CDCP1: variants seen among roughly 807,000 people sequenced by gnomAD.
The protein encoded by CDCP1 is CUB domain containing protein 1, also known as CUB domain-containing protein 1.
CDCP1 carries 29 observed loss-of-function variants against 60.2 expected under a neutral mutation model. The ratio of observed to expected loss-of-function variants is 0.48; its 90% CI spans 0.36 to 0.66. The LOEUF is 0.66. Among genes scored for constraint, CDCP1 ranks in the 30% least tolerant of loss-of-function variants. CDCP1 has a pLI of 0.00. For synonymous variants in CDCP1, 387 were observed against 431.1 expected (o/e 0.90, Z 1.27); for missense variants, 876 against 1,074.3 (o/e 0.82, Z 2.58).
chr3:45,135,655 TATTGGTA>T (rs1367799357), intron 1 of CDCP1, among the ~76,000 whole-genome samples: 1 of 152,162 alleles, frequency 6.6e-6, no homozygotes, highest in Non-Finnish European at 1.5e-5. Flanking sequence ...ATTGTGGGGT[TATTGGTA>T]ATTAATAACA....
intron 1 of CDCP1, among the ~76,000 whole-genome samples, chr3:45,126,172 T>TTCTTTCTTTCTG: frequency 7.3e-6 from 1 of 136,658 alleles, no homozygotes; most frequent in African/African-American, 2.9e-5. Flanking sequence ...CTTTCTTTCT[T>TTCTTTCTTTCTG]TCCTTCTTTC....
chr3:45,091,579 AGTCAACATGGAGAG>A lies in CDCP1; in HGVS notation c.1628-55_1628-42del. ...GGAGATCCAGACAGATGTTTCATTCAGTCAACATGGAGAGGAAAGGGAGTGGTGGAGGAGACGAA... is the reference window on the plus strand; with the variant it reads ...GGAGATCCAGACAGATGTTTCATTCAGAAAGGGAGTGGTGGAGGAGACGAA... On this transcript the variant is annotated intron_variant, in intron 6 of 8. Coordinates refer to ENST00000296129, the MANE Select transcript of CDCP1 (RefSeq NM_022842.5). The surrounding 1 kb of genome is among the most constrained non-coding windows in gnomAD (Gnocchi z 4.8). 1 of 1,547,982 alleles carries A rather than the reference AGTCAACATGGAGAG, an allele frequency of 6.5e-7. No individual in the cohort carries two copies. Among genetic ancestry groups the A allele is most frequent in the Non-Finnish European group, 8.7e-7 (1 of 1,149,884 alleles).
chr3:45,119,231 T>C (rs1454629612), intron 1 of CDCP1, among the ~76,000 whole-genome samples: 1 of 152,014 alleles, frequency 6.6e-6, no homozygotes, highest in African/African-American at 2.4e-5. Flanking sequence ...CAGATTGGGG[T>C]TTAGAAAAAA....
intron 1 of CDCP1, among the ~76,000 whole-genome samples, chr3:45,128,410 T>C (rs931910767): frequency 6.6e-6 from 1 of 152,204 alleles, no homozygotes; most frequent in Non-Finnish European, 1.5e-5. Context: ...GGGCTCCAAC[T>C]TCCAGAATTA....
At chr3:45,103,050 A>T (rs1246630595) in intron 4 of CDCP1, among the ~76,000 whole-genome samples, 2 of 151,826 alleles carry the variant, frequency 1.3e-5, no homozygotes, top group Non-Finnish European at 2.9e-5. Context: ...CAATTTTGTT[A>T]TATCCATTGT....
chr3:45,120,643 T>C (rs1480098786), intron 1 of CDCP1, among the ~76,000 whole-genome samples: 1 of 152,174 alleles, frequency 6.6e-6, no homozygotes, highest in Non-Finnish European at 1.5e-5. Context: ...CAAGAGTGCT[T>C]AGATTTCCAT....
chr3:45,130,806 T>A (rs1349349459), intron 1 of CDCP1, among the ~76,000 whole-genome samples: 2 of 152,208 alleles, frequency 1.3e-5, no homozygotes, highest in African/African-American at 4.8e-5. Flanking sequence ...GCAGAGACAG[T>A]CTAGCATTAG....
intron 4 of CDCP1, among the ~76,000 whole-genome samples, chr3:45,109,275 T>C (rs2125996490): frequency 6.6e-6 from 1 of 152,006 alleles, no homozygotes; most frequent in East Asian, 1.9e-4. Context: ...ATACACACAT[T>C]ATACATACAT....
rs1698144458 is a variant in CDCP1, at chr3:45,083,963, G to A, written c.*1675C>T. ...AAAAAAAAGAAAAAGGGTAATGTGA[G>A]CACACATTGGTCTCATGGTCTACTC... is the stretch of plus-strand genomic sequence containing the variant. On this transcript the variant is annotated 3_prime_UTR_variant, in exon 9 of 9. Transcript: ENST00000296129. The A allele has an allele frequency of 6.6e-6, 1 of 151,818 alleles. No homozygotes were observed. The highest frequency in any genetic ancestry group is 1.5e-5 in the Non-Finnish European group (1 of 67,958). 9.4% of individuals were successfully genotyped at this position (151,818 alleles called of 1,614,324 possible).
intron 1 of CDCP1, among the ~76,000 whole-genome samples, chr3:45,124,100 C>T (rs537488473): frequency 1.8e-4 from 28 of 152,288 alleles, no homozygotes; most frequent in Admixed American, 5.9e-4. Context: ...GAAGAATTTC[C>T]ATTTGTTTTA....
chr3:45,138,569 G>A (rs1174244771), intron 1 of CDCP1, among the ~76,000 whole-genome samples: 1 of 152,262 alleles, frequency 6.6e-6, no homozygotes, highest in Non-Finnish European at 1.5e-5. Flanking sequence ...TTGGCTGGTT[G>A]CGGTGGCTCA....
chr3:45,083,913 TA>T lies in CDCP1; in HGVS notation c.*1724del, dbSNP rs1309350174. 1.0e-3 allele frequency: 138 copies of T among 135,602 alleles called. No individual in the cohort carries two copies. Among genetic ancestry groups the T allele is most frequent in the African/African-American group, 1.5e-3 (54 of 36,794 alleles). The allele number at this position is 135,602 out of a possible 1,614,324, so 8.4% of individuals were successfully genotyped here. ...AACAGAATGAGATCCTGTCTCACAT[TA>T]AAAAAAAAAAGAAAAAGAAAAAGAA... On this transcript the variant is annotated 3_prime_UTR_variant, in exon 9 of 9. Transcript: ENST00000296129.
intron 8 of CDCP1, among the ~76,000 whole-genome samples, chr3:45,087,876 G>T (rs1402514304): frequency 1.3e-5 from 2 of 152,144 alleles, no homozygotes; most frequent in Non-Finnish European, 2.9e-5. Flanking sequence ...AAAAAAATTA[G>T]CTGGGCGTGG....
At chr3:45,137,180 G>T (rs1485811566) in intron 1 of CDCP1, among the ~76,000 whole-genome samples, 2 of 152,150 alleles carry the variant, frequency 1.3e-5, no homozygotes, top group Admixed American at 1.3e-4. Context: ...CTATGAATAT[G>T]CAAGTGTGTA....
chr3:45,131,454 C>G (rs1302241098), intron 1 of CDCP1, among the ~76,000 whole-genome samples: 1 of 152,308 alleles, frequency 6.6e-6, no homozygotes, highest in Admixed American at 6.5e-5. Flanking sequence ...AATTATAACT[C>G]CCATCTCTCC....
At chr3:45,143,136 G>A (rs1017710163) in intron 1 of CDCP1, among the ~76,000 whole-genome samples, 4 of 152,146 alleles carry the variant, frequency 2.6e-5, no homozygotes, top group African/African-American at 9.7e-5. Context: ...CCTGGGAGAC[G>A]GAGGTTGCAG....
chr3:45,126,369 C>G (rs1260816798), intron 1 of CDCP1, among the ~76,000 whole-genome samples: 1 of 151,766 alleles, frequency 6.6e-6, no homozygotes, highest in Non-Finnish European at 1.5e-5. Context: ...TCACCTCCAA[C>G]AGAATTCATT....
chr3:45,130,497 C>T (rs1281808128), intron 1 of CDCP1, among the ~76,000 whole-genome samples: 2 of 152,166 alleles, frequency 1.3e-5, no homozygotes, highest in African/African-American at 4.8e-5. Flanking sequence ...AAGCTCCTCT[C>T]CCGCCATCCT....
intron 1 of CDCP1, among the ~76,000 whole-genome samples, chr3:45,137,827 T>A (rs1036572327): frequency 6.7e-6 from 1 of 149,180 alleles, no homozygotes; most frequent in Non-Finnish European, 1.5e-5. Flanking sequence ...AAGTCTTCTA[T>A]GTTCCGTGAA....
Sources: allele counts gnomAD v4.1 joint callset (sites outside exome capture counted in the v4.1 genomes callset), GRCh38; gene constraint gnomAD v4.1.1; non-coding constraint Gnocchi (gnomAD v3.1); transcripts MANE v1.5; gene names NCBI Gene and HGNC (gene_info 2026-07-23, HGNC 2026-07-21).